Variants in BMAL2 observed in about 807,000 individuals in gnomAD.
BMAL2 encodes basic helix-loop-helix ARNT-like protein 2.
chr12:27,361,880 A>T, the BMAL2 span, among the ~76,000 whole-genome samples: 4 of 152,202 alleles, frequency 2.6e-5, no homozygotes, highest in Non-Finnish European at 4.4e-5. Flanking sequence ...CCACCCATTA[A>T]TAAAGACCCT....
chr12:27,387,205 T>C, the BMAL2 span: 3 of 1,507,674 alleles, frequency 2.0e-6, no homozygotes, highest in Admixed American at 1.7e-5. Context: ...TTTTAAAATA[T>C]TCACTTTTTT....
the BMAL2 span, chr12:27,422,705 C>T: frequency 6.6e-6 from 1 of 152,226 alleles, no homozygotes; most frequent in African/African-American, 2.4e-5. Context: ...TATGAAAGAT[C>T]CCCTGTGTTC....
At chr12:27,360,262 A>G in the BMAL2 span, among the ~76,000 whole-genome samples, 1 of 152,152 alleles carries the variant, frequency 6.6e-6, no homozygotes, top group Admixed American at 6.5e-5. Flanking sequence ...AAGAAAGACA[A>G]AAGAAGCCTG....
the BMAL2 span, among the ~76,000 whole-genome samples, chr12:27,409,412 A>C: frequency 6.6e-6 from 1 of 152,228 alleles, no homozygotes; most frequent in East Asian, 1.9e-4. Flanking sequence ...GACCAATGGA[A>C]CAGAACAGAG....
the BMAL2 span, among the ~76,000 whole-genome samples, chr12:27,366,897 G>A: frequency 6.6e-6 from 1 of 152,134 alleles, no homozygotes; most frequent in Non-Finnish European, 1.5e-5. Context: ...AATAAAACTG[G>A]AAAGTTATTA....
At chr12:27,342,265 A>G in the BMAL2 span, among the ~76,000 whole-genome samples, 1 of 152,228 alleles carries the variant, frequency 6.6e-6, no homozygotes, top group African/African-American at 2.4e-5. Flanking sequence ...TTCAGTTACA[A>G]TGCAGAGGAA....
At chr12:27,375,065 C>T in the BMAL2 span, among the ~76,000 whole-genome samples, 2 of 152,002 alleles carry the variant, frequency 1.3e-5, no homozygotes, top group Non-Finnish European at 2.9e-5. Flanking sequence ...TAGAAAAATA[C>T]TAAAACCTCA....
At chr12:27,405,447 C>T in the BMAL2 span, among the ~76,000 whole-genome samples, 15 of 151,816 alleles carry the variant, frequency 9.9e-5, no homozygotes, top group South Asian at 4.2e-4. Flanking sequence ...CACCAATATC[C>T]GCTGTTCTGC....
the BMAL2 span, among the ~76,000 whole-genome samples, chr12:27,410,544 ATG>A: frequency 2.0e-5 from 3 of 152,162 alleles, no homozygotes; most frequent in African/African-American, 7.2e-5. Context: ...GAATTGAACA[ATG>A]AGAACACATG....
At chr12:27,392,036 G>C in the BMAL2 span, among the ~76,000 whole-genome samples, 1 of 152,140 alleles carries the variant, frequency 6.6e-6, no homozygotes. Context: ...TAATCCCTCT[G>C]AGCTTCAGTT....
At chr12:27,408,496 A>G in the BMAL2 span, among the ~76,000 whole-genome samples, 4 of 152,254 alleles carry the variant, frequency 2.6e-5, no homozygotes, top group East Asian at 1.9e-4. Context: ...CAAAAACCAC[A>G]TGATTAACTC....
the BMAL2 span, among the ~76,000 whole-genome samples, chr12:27,373,292 G>A: frequency 6.6e-6 from 1 of 152,110 alleles, no homozygotes; most frequent in Non-Finnish European, 1.5e-5. Flanking sequence ...TTCTGACTTG[G>A]GCTCCTAGAT....
the BMAL2 span, among the ~76,000 whole-genome samples, chr12:27,395,259 G>T: frequency 6.6e-6 from 1 of 152,118 alleles, no homozygotes; most frequent in Non-Finnish European, 1.5e-5. Context: ...CACCTTGTCT[G>T]GGCTCCTCCT....
chr12:27,404,193 A>C, the BMAL2 span, among the ~76,000 whole-genome samples: 42 of 144,454 alleles, frequency 2.9e-4, no homozygotes, highest in Non-Finnish European at 6.0e-4. Context: ...TCAAAAAAAA[A>C]AAAAAAAAAA....
chr12:27,354,723 A>T, the BMAL2 span, among the ~76,000 whole-genome samples: 10,381 of 152,286 alleles, frequency 0.068, 475 homozygotes, highest in Non-Finnish European at 0.1. Context: ...CTTACTAGGT[A>T]TCTGCGGATA....
chr12:27,417,433 A>G, the BMAL2 span, among the ~76,000 whole-genome samples: 1 of 152,166 alleles, frequency 6.6e-6, no homozygotes, highest in African/African-American at 2.4e-5. Flanking sequence ...TTCCTTACAT[A>G]TGCACCTTCA....
the BMAL2 span, among the ~76,000 whole-genome samples, chr12:27,404,963 G>A: frequency 6.6e-6 from 1 of 152,198 alleles, no homozygotes; most frequent in African/African-American, 2.4e-5. Context: ...CCCATGCCTG[G>A]CTCGGAGGGT....
chr12:27,387,172 G>C, the BMAL2 span: 19 of 1,115,466 alleles, frequency 1.7e-5, 1 homozygote, highest in Admixed American at 2.9e-4. Flanking sequence ...GTGTGTGTGC[G>C]TGTGTATAAG....
the BMAL2 span, chr12:27,385,491 T>C: frequency 5.6e-6 from 9 of 1,606,278 alleles, no homozygotes; most frequent in South Asian, 9.9e-5. Context: ...GCTTGACAAA[T>C]TCTTATGTGG....
Sources: gnomAD v4.1 joint callset for allele counts (sites outside exome capture counted in the v4.1 genomes callset) on GRCh38, gnomAD v4.1.1 for gene constraint, MANE v1.5 for transcripts, NCBI Gene and HGNC (gene_info 2026-07-23, HGNC 2026-07-21) for gene names.